HEPHL1: variants seen among roughly 807,000 people sequenced by gnomAD.
The protein encoded by HEPHL1 is ferroxidase HEPHL1.
A neutral mutation model predicts 122.0 loss-of-function variants in HEPHL1; 123 were observed. The observed-to-expected ratio is 1.01, with a 90% CI of 0.87 to 1.17. The LOEUF is 1.17. Among genes scored for constraint, HEPHL1 ranks in the 50% most tolerant of loss-of-function variants. The pLI, the probability that HEPHL1 is intolerant of heterozygous loss-of-function variation, is 0.00. For synonymous variants in HEPHL1, 527 were observed against 508.9 expected, an observed-to-expected ratio of 1.04 and a Z score of -0.48; for missense variants, 1,452 against 1,430.5, an observed-to-expected ratio of 1.01 and a Z score of -0.24.
intron 10 of HEPHL1, among the ~76,000 whole-genome samples, chr11:94,083,079 C>T (rs2064103557): frequency 1.9e-5 from 2 of 107,896 alleles, no homozygotes; most frequent in South Asian, 5.9e-4. Context: ...AGTGAGACTC[C>T]GTCTAAAAAA....
intron 1 of HEPHL1, among the ~76,000 whole-genome samples, chr11:94,030,585 A>G (rs1172828949): frequency 1.3e-5 from 2 of 152,172 alleles, no homozygotes; most frequent in Admixed American, 6.5e-5. Flanking sequence ...GGAAGAGAAG[A>G]GGAGAAAAAT....
chr11:94,102,725 A>G (rs1839353001), intron 14 of HEPHL1, among the ~76,000 whole-genome samples, 189 bp from the exon 15 acceptor site: 1 of 152,254 alleles, frequency 6.6e-6, no homozygotes, highest in Admixed American at 6.5e-5. Flanking sequence ...GAAATGACAA[A>G]TCTGCCATTT....
At chr11:94,087,191 G>A (rs1946225424) in intron 11 of HEPHL1, among the ~76,000 whole-genome samples, 1 of 151,914 alleles carries the variant, frequency 6.6e-6, no homozygotes, top group South Asian at 2.1e-4. Context: ...GAGATGCCTT[G>A]GACACAACTT....
chr11:94,037,012 G>T (rs1248485808), intron 1 of HEPHL1, among the ~76,000 whole-genome samples: 5 of 152,148 alleles, frequency 3.3e-5, no homozygotes, highest in African/African-American at 1.2e-4. Flanking sequence ...GTGGGTGCGC[G>T]CACCGTGCAC....
At chr11:94,036,562 C>G (rs1381605897) in intron 1 of HEPHL1, among the ~76,000 whole-genome samples, 1 of 152,118 alleles carries the variant, frequency 6.6e-6, no homozygotes, top group Non-Finnish European at 1.5e-5. Context: ...GTCTACCCAT[C>G]TTAGAATTAC....
intron 11 of HEPHL1, among the ~76,000 whole-genome samples, chr11:94,088,473 T>C (rs1946235804): frequency 6.6e-6 from 1 of 152,206 alleles, no homozygotes; most frequent in Non-Finnish European, 1.5e-5. Flanking sequence ...TAGGTGTGAA[T>C]TATATGGGAG....
At chr11:94,063,438 T>G (rs1217230055) in intron 2 of HEPHL1, 70 bp from the exon 3 acceptor site, 1 of 1,234,332 alleles carries the variant, frequency 8.1e-7, no homozygotes, top group African/African-American at 1.5e-5. Context: ...TCTGGCCCTC[T>G]CTACTATAGC....
chr11:94,065,611 A>T (rs1305580560), intron 4 of HEPHL1, among the ~76,000 whole-genome samples: 1 of 152,180 alleles, frequency 6.6e-6, no homozygotes, highest in Non-Finnish European at 1.5e-5. Flanking sequence ...GAAAGGAAGT[A>T]AGGGAGAGAA....
intron 13 of HEPHL1, among the ~76,000 whole-genome samples, chr11:94,093,971 G>GATAT (rs201036709): frequency 0.027 from 1,970 of 71,974 alleles, 73 homozygotes; most frequent in Non-Finnish European, 0.041. Context: ...TCCTCCAGCA[G>GATAT]ATATATATAT....
chr11:94,076,144 A>G (rs975931830), intron 9 of HEPHL1, among the ~76,000 whole-genome samples: 18 of 152,268 alleles, frequency 1.2e-4, no homozygotes, highest in African/African-American at 4.1e-4. Flanking sequence ...AAAACACAAA[A>G]TATCTTGATC....
chr11:94,098,170 T>C, intron 13 of HEPHL1, among the ~76,000 whole-genome samples: 1 of 152,214 alleles, frequency 6.6e-6, no homozygotes, highest in Non-Finnish European at 1.5e-5. Flanking sequence ...TTCCTTTCCA[T>C]GTTTAGTGCT....
rs1946462462 is a variant in HEPHL1 at position 94,112,844 on chromosome 11, A to G, written c.*950A>G. ...TTTCATTCAGTTAGAGGGAATCTTT[A>G]CAAGTCCTCATCTTCTATGAAATTA... is the stretch of plus-strand genomic sequence containing the variant. On this transcript the variant is annotated 3_prime_UTR_variant, in exon 20 of 20. Coordinates refer to ENST00000315765, the MANE Select transcript of HEPHL1 (RefSeq NM_001098672.2). 1.3e-5 allele frequency: 2 copies of G among 152,334 alleles called. No individual in the cohort carries two copies. Among genetic ancestry groups the G allele is most frequent in the South Asian group, 4.1e-4 (2 of 4,828 alleles). The allele number at this position is 152,334 out of a possible 1,614,324, so 9.4% of individuals were successfully genotyped here. A position where few individuals can be genotyped will look rare whatever the true frequency, so the allele number is the denominator to read the frequency against.
intron 1 of HEPHL1, among the ~76,000 whole-genome samples, chr11:94,038,994 T>C (rs1368032439): frequency 1.4e-5 from 1 of 70,126 alleles, no homozygotes; most frequent in African/African-American, 5.4e-5. Flanking sequence ...TGCAGAGACA[T>C]ACATAGGCTC....
rs2134453299 is a variant in HEPHL1 at position 94,104,509 on chromosome 11, A to G, written c.2683-19A>G. 6.5e-7 allele frequency: 1 copy of G among 1,539,312 alleles called. No individual in the cohort carries two copies. Among genetic ancestry groups the G allele is most frequent in the Non-Finnish European group, 9.0e-7 (1 of 1,114,580 alleles). On this transcript the variant is annotated intron_variant, in intron 15 of 19. Coordinates refer to ENST00000315765, the MANE Select transcript of HEPHL1 (RefSeq NM_001098672.2). The stretch of plus-strand genomic sequence containing the variant: ...AATTACTTAATGGCTCTTTTAACTC[A>G]GTTTATTTTTTCTTCCAGGATACGT...
intron 16 of HEPHL1, among the ~76,000 whole-genome samples, chr11:94,105,391 T>C (rs1316410857): frequency 6.6e-6 from 1 of 152,204 alleles, no homozygotes; most frequent in Non-Finnish European, 1.5e-5. Context: ...CTTAGTATGC[T>C]CTCCATTTTT....
chr11:94,088,705 C>A, intron 11 of HEPHL1, 50 bp from the exon 12 acceptor site: 2 of 1,433,988 alleles, frequency 1.4e-6, no homozygotes, highest in Non-Finnish European at 1.9e-6. Context: ...AGACCATCAC[C>A]AACAAAAATA....
At chr11:94,097,171 CCT>C (rs1322712846) in intron 13 of HEPHL1, among the ~76,000 whole-genome samples, 3 of 152,056 alleles carry the variant, frequency 2.0e-5, no homozygotes, top group Non-Finnish European at 4.4e-5. Context: ...TATAAATTTC[CCT>C]CTACACACTG....
In HEPHL1 at chr11:94,021,498, G is replaced by T; in HGVS notation, c.130G>T (p.Gly44Trp). 1 of 1,612,178 alleles carries T rather than the reference G, an allele frequency of 6.2e-7. No individual in the cohort carries two copies. Residue 44 changes from glycine (G) to tryptophan (W), a missense_variant, in exon 1 of 20, where the codon GGG (glycine) becomes TGG (tryptophan). Gly to Trp is a radical substitution (Grantham distance 184, BLOSUM62 -2). Transcript: ENST00000315765. ...VEEYWNYVPQ[G>W]KNVITGKSFT... Reference sequence around the variant, plus strand: ...AGAATACTGGAACTATGTACCCCAAGGGAAGAATGTTATTACTGGGAAAAG... The same window carrying T: ...AGAATACTGGAACTATGTACCCCAATGGAAGAATGTTATTACTGGGAAAAG...
chr11:94,022,918 A>G (rs531201213), intron 1 of HEPHL1, among the ~76,000 whole-genome samples: 2 of 152,362 alleles, frequency 1.3e-5, no homozygotes, highest in South Asian at 4.1e-4. Context: ...AGTGTAATGA[A>G]TATAGCGTTT....
Sources: allele counts gnomAD v4.1 joint callset (sites outside exome capture counted in the v4.1 genomes callset), GRCh38; gene constraint gnomAD v4.1.1; transcripts MANE v1.5; gene names NCBI Gene and HGNC (gene_info 2026-07-23, HGNC 2026-07-21).